MYCBP2: variants seen among roughly 807,000 people sequenced by gnomAD.
MYCBP2 encodes E3 ubiquitin-protein ligase MYCBP2.
MYCBP2 carries 120 observed loss-of-function variants against 525.3 expected under a neutral mutation model. The ratio of observed to expected loss-of-function variants is 0.23; its 90% confidence interval spans 0.20 to 0.27. The LOEUF is 0.27. Among genes scored for constraint, MYCBP2 ranks in the 10% least tolerant of loss-of-function variants. The pLI, the probability that MYCBP2 is intolerant of heterozygous loss-of-function variation, is 1.00. For missense variants in MYCBP2, 4,149 were observed against 5,657.1 expected (o/e 0.73, Z 8.55); for synonymous variants, 1,894 against 1,955.8 (o/e 0.97, Z 0.83).
intron 17 of MYCBP2, among the ~76,000 whole-genome samples, chr13:77,239,915 AACTTTTACTCT>A (rs2068553512): frequency 6.6e-6 from 1 of 152,214 alleles, no homozygotes; most frequent in Non-Finnish European, 1.5e-5. Flanking sequence ...TGTAAAACAT[AACTTTTACTCT>A]ATTTATACAC....
rs763277000 is a variant in MYCBP2, at chr13:77,185,852, TA to T, written c.4444+18del. ...CTAATATTTTCTCCCTATAGTCATT[TA>T]AAAAAAATGCATCATACCTGACACT... On this transcript the variant is annotated intron_variant, in intron 31 of 82. Coordinates refer to ENST00000544440, the MANE Select transcript of MYCBP2 (RefSeq NM_015057.5). 9.7e-5 allele frequency: 147 copies of T among 1,519,122 alleles called. No homozygotes were observed. The highest frequency in any genetic ancestry group is 8.2e-4 in the Admixed American group (37 of 45,086). 94.1% of individuals were successfully genotyped at this position (1,519,122 alleles called of 1,614,324 possible).
chr13:77,174,171 A>G, intron 37 of MYCBP2, 140 bp downstream of exon 37: 1 of 575,964 alleles, frequency 1.7e-6, no homozygotes. Context: ...ATTTCTTTAT[A>G]TGAATTTGTA....
Position 77,292,255 on chromosome 13 carries a change from T to C in MYCBP2, c.379-3879A>G, listed in dbSNP as rs1594716912. Among the ~76,000 whole-genome samples, 5 of 152,266 alleles carry C rather than the reference T, an allele frequency of 3.3e-5. No individual in the cohort carries two copies. The South Asian group carries it at 1.0e-3, about 32-fold the overall frequency. On this transcript the variant is annotated intron_variant, in intron 2 of 82. Transcript: ENST00000544440. ...TAACTTCCTATACATCACAAACACATACCTTTTTCCTGCTGCTTGCTCTGT... is the reference window on the plus strand; with the variant it reads ...TAACTTCCTATACATCACAAACACACACCTTTTTCCTGCTGCTTGCTCTGT...
intron 74 of MYCBP2, 28 bp downstream of exon 74, chr13:77,062,568 A>G (rs536963750): frequency 7.6e-6 from 12 of 1,584,902 alleles, no homozygotes; most frequent in African/African-American, 1.3e-5. Context: ...GGAAAGCAAG[A>G]TAAATTCTTA....
Position 77,208,725 on chromosome 13 carries a change from G to A in MYCBP2, c.3417-1900C>T, listed in dbSNP as rs188033300. ...TCCACAGAGAAGGCTAGTGGAATTC[G>A]GTATGGGAAAAGAAACAGATACAGA... On this transcript the variant is annotated intron_variant, in intron 23 of 82. Transcript: ENST00000544440. 2.4e-4 allele frequency among the ~76,000 whole-genome samples: 37 copies of A among 152,044 alleles called. No individual in the cohort carries two copies. The East Asian group carries it at 5.8e-3, about 24-fold the overall frequency.
chr13:77,059,850 G>A (rs900664578), intron 76 of MYCBP2, among the ~76,000 whole-genome samples: 11 of 151,970 alleles, frequency 7.2e-5, no homozygotes, highest in African/African-American at 1.5e-4. Context: ...ATACACTCTC[G>A]ACTAATATTT....
intron 13 of MYCBP2, among the ~76,000 whole-genome samples, chr13:77,258,516 T>C (rs1457499455): frequency 6.6e-6 from 1 of 152,192 alleles, no homozygotes; most frequent in Non-Finnish European, 1.5e-5. Context: ...TTATCAAGTA[T>C]TTGTTTTATT....
rs1212165022 is a variant in MYCBP2, at chr13:77,257,666, C to T, written c.2176+5G>A. 1 of 1,550,850 alleles carries T rather than the reference C, an allele frequency of 6.4e-7. No homozygotes were observed. The highest frequency in any genetic ancestry group is 8.7e-7 in the Non-Finnish European group (1 of 1,154,314). Reference sequence around the variant, plus strand: ...AATTTTAATATCTAAGAATTAAAGACCTACCTTTCCCACCTTGGTTCATGG... The same window carrying T: ...AATTTTAATATCTAAGAATTAAAGATCTACCTTTCCCACCTTGGTTCATGG... On this transcript the variant is annotated splice_donor_5th_base_variant and intron_variant, in intron 14 of 82. Coordinates refer to ENST00000544440, the MANE Select transcript of MYCBP2 (RefSeq NM_015057.5).
chr13:77,164,806 T>C (rs1436982189), intron 42 of MYCBP2, among the ~76,000 whole-genome samples: 1 of 152,178 alleles, frequency 6.6e-6, no homozygotes, highest in Non-Finnish European at 1.5e-5. Flanking sequence ...TCTTATTGTA[T>C]GATTTAAAAC....
At chr13:77,082,045 T>A in intron 63 of MYCBP2, 52 bp from the exon 64 acceptor site, 1 of 1,536,396 alleles carries the variant, frequency 6.5e-7, no homozygotes, top group South Asian at 1.2e-5. Flanking sequence ...TCCAGGAACA[T>A]CTAAGGAACT....
At chr13:77,215,125 AT>A (rs1449191793) in intron 21 of MYCBP2, among the ~76,000 whole-genome samples, 5 of 152,220 alleles carry the variant, frequency 3.3e-5, no homozygotes, top group Non-Finnish European at 5.9e-5. Flanking sequence ...TGAGTATACA[AT>A]TTTTGTATAA....
intron 17 of MYCBP2, among the ~76,000 whole-genome samples, chr13:77,233,724 G>A (rs1368215928): frequency 1.3e-5 from 2 of 151,896 alleles, no homozygotes; most frequent in Non-Finnish European, 2.9e-5. Flanking sequence ...TTTAATATTT[G>A]TATTAATCTT....
Position 77,177,849 on chromosome 13 carries a change from T to C in MYCBP2, c.5239A>G (p.Ile1747Val). 5 of 1,613,992 alleles carry C rather than the reference T, an allele frequency of 3.1e-6. No homozygotes were observed. Among genetic ancestry groups the C allele is most frequent in the South Asian group, 2.2e-5 (2 of 91,080 alleles). Residue 1747 changes from isoleucine to valine, a missense_variant, in exon 35 of 83, where the codon ATC becomes GTC. Around this residue, in one of 21 missense-constraint regions of MYCBP2, gnomAD observed 54 missense variants for 117.0 expected, o/e 0.46. Transcript: ENST00000544440. The part of the protein sequence containing the change: ...WNTGNGSPDA[I>V]CFSVDKPGIV... ...CCAGGTTTGTCTACTGAAAAACAGATTGCATCAGGGGACCCGTTCCCAGTG... is the reference window on the plus strand; with the variant it reads ...CCAGGTTTGTCTACTGAAAAACAGACTGCATCAGGGGACCCGTTCCCAGTG...
At chr13:77,293,910 T>C (rs1312457630) in intron 2 of MYCBP2, among the ~76,000 whole-genome samples, 1 of 151,820 alleles carries the variant, frequency 6.6e-6, no homozygotes, top group African/African-American at 2.4e-5. Context: ...GGACTTCAGA[T>C]TTCCAGAACT....
At chr13:77,071,126 A>G (rs1003576906) in intron 68 of MYCBP2, among the ~76,000 whole-genome samples, 2 of 143,576 alleles carry the variant, frequency 1.4e-5, no homozygotes, top group Non-Finnish European at 3.0e-5. Context: ...CTATCGGAAC[A>G]CCAAGTCATC....
chr13:77,157,289 T>A (rs2057326920), intron 45 of MYCBP2, among the ~76,000 whole-genome samples: 1 of 151,934 alleles, frequency 6.6e-6, no homozygotes, highest in African/African-American at 2.4e-5. Flanking sequence ...TGGATTGCAC[T>A]GGCACAATCA....
chr13:77,063,306 C>T (rs2039631027), intron 73 of MYCBP2, among the ~76,000 whole-genome samples: 1 of 152,080 alleles, frequency 6.6e-6, no homozygotes, highest in Non-Finnish European at 1.5e-5. Flanking sequence ...GCCTGTAATC[C>T]CAGCACTTTG....
chr13:77,060,214 C>T (rs757521305), intron 76 of MYCBP2, among the ~76,000 whole-genome samples: 2 of 152,096 alleles, frequency 1.3e-5, no homozygotes, highest in Non-Finnish European at 2.9e-5. Context: ...ACAGACCAAG[C>T]TGATTTTTAA....
At chr13:77,115,511 G>C (rs952368358) in intron 55 of MYCBP2, among the ~76,000 whole-genome samples, 2 of 151,592 alleles carry the variant, frequency 1.3e-5, no homozygotes, top group African/African-American at 4.8e-5. Context: ...AATAACACTT[G>C]AAATAATTTC....
Sources: allele counts gnomAD v4.1 joint callset (sites outside exome capture counted in the v4.1 genomes callset), GRCh38; gene constraint gnomAD v4.1.1; regional missense constraint gnomAD v4.1.1; transcripts MANE v1.5; gene names NCBI Gene and HGNC (gene_info 2026-07-23, HGNC 2026-07-21).